The following DYNC2H1 variants were observed in gnomAD, a reference collection of about 807,000 sequenced individuals.
DYNC2H1 encodes the protein cytoplasmic dynein 2 heavy chain 1.
DYNC2H1 carries 410 observed loss-of-function variants against 570.0 expected under a neutral mutation model. That is an observed-to-expected ratio of 0.72 (90% CI 0.66 to 0.78). The LOEUF (loss-of-function observed/expected upper bound fraction) is 0.78, where lower values mean the gene tolerates loss of function less well. Among genes scored for constraint, DYNC2H1 ranks in the 30% least tolerant of loss-of-function variants. The probability of loss-of-function intolerance (pLI) is 0.00; values close to 1 mark genes in which losing one functional copy is unlikely to be tolerated. For missense variants in DYNC2H1, 4,865 were observed against 5,046.4 expected (o/e 0.96, Z 1.09); for synonymous variants, 1,688 against 1,677.6 (o/e 1.01, Z -0.15).
intron 15 of DYNC2H1, 69 bp downstream of exon 15, chr11:103,134,488 G>A (rs1489833102): frequency 8.1e-7 from 1 of 1,228,290 alleles, no homozygotes; most frequent in Non-Finnish European, 1.1e-6. Flanking sequence ...TACAATATAT[G>A]AATTGCCGAG....
chr11:103,438,631 G>A (rs186369390), intron 85 of DYNC2H1, among the ~76,000 whole-genome samples: 3 of 152,114 alleles, frequency 2.0e-5, no homozygotes, highest in South Asian at 2.1e-4. Context: ...CATATATCAT[G>A]CCAGTTTATT....
chr11:103,118,986 T>C (rs1353353667), intron 6 of DYNC2H1, among the ~76,000 whole-genome samples: 1 of 151,376 alleles, frequency 6.6e-6, no homozygotes, highest in African/African-American at 2.5e-5. Context: ...TTTCTAATTC[T>C]GGTGTTTTTT....
chr11:103,204,217 A>G lies in DYNC2H1; in HGVS notation c.8311+441A>G, dbSNP rs1468710497. 6.6e-6 allele frequency among the ~76,000 whole-genome samples: 1 copy of G among 152,174 alleles called. No homozygotes were observed. Among genetic ancestry groups the G allele is most frequent in the African/African-American group, 2.4e-5 (1 of 41,450 alleles). On this transcript the variant is annotated intron_variant, in intron 51 of 88. Coordinates refer to ENST00000375735, the MANE Select transcript of DYNC2H1 (RefSeq NM_001377.3). The surrounding 1 kb of genome is among the most constrained non-coding windows in gnomAD (Gnocchi z 4.1). Reference sequence around the variant, plus strand: ...GCATGGGAAATACCTGCCCCGCTCCATGATTCAATCATGTCCCACCAGGTT... The same window carrying G: ...GCATGGGAAATACCTGCCCCGCTCCGTGATTCAATCATGTCCCACCAGGTT...
chr11:103,449,965 C>T (rs930865412), intron 85 of DYNC2H1, among the ~76,000 whole-genome samples: 1 of 152,010 alleles, frequency 6.6e-6, no homozygotes, highest in Non-Finnish European at 1.5e-5. Context: ...TGGCATTGCA[C>T]TTTAAATATA....
At chr11:103,361,517 A>C (rs1940638748) in intron 83 of DYNC2H1, among the ~76,000 whole-genome samples, 1 of 152,216 alleles carries the variant, frequency 6.6e-6, no homozygotes, top group Non-Finnish European at 1.5e-5. Context: ...TTCCAAGTGC[A>C]ATGGGAAACC....
intron 83 of DYNC2H1, among the ~76,000 whole-genome samples, chr11:103,390,754 G>T (rs2671373): frequency 0.67 from 102,121 of 151,970 alleles, 34,441 homozygotes; most frequent in Admixed American, 0.73. Context: ...CCTTCACTTA[G>T]GAAGTTTAGT....
chr11:103,447,833 G>T (rs1258169355), intron 85 of DYNC2H1, among the ~76,000 whole-genome samples: 2 of 152,068 alleles, frequency 1.3e-5, no homozygotes, highest in African/African-American at 4.8e-5. Flanking sequence ...GTTAATTCAA[G>T]ATTTGAGTTT....
rs1025998403 is a variant in DYNC2H1, at chr11:103,329,971, A to G, written c.12039+5981A>G. ...TATTTAAATTCTTCGTTCAATACCC[A>G]GTCCAAAGCTTATCCTCTCCTGAAG... On this transcript the variant is annotated intron_variant, in intron 82 of 88. Coordinates refer to ENST00000375735, the MANE Select transcript of DYNC2H1 (RefSeq NM_001377.3). Among the ~76,000 whole-genome samples the G allele has an allele frequency of 2.0e-5, 3 of 152,302 alleles. No individual in the cohort carries two copies. The East Asian group carries it at 5.8e-4, about 29-fold the overall frequency.
chr11:103,453,508 AT>A (rs889021161), intron 85 of DYNC2H1, among the ~76,000 whole-genome samples: 3 of 151,034 alleles, frequency 2.0e-5, no homozygotes, highest in Non-Finnish European at 3.0e-5. Context: ...TTAACAAGTT[AT>A]TTTTTCCATA....
intron 3 of DYNC2H1, 68 bp from the exon 4 acceptor site, chr11:103,115,109 G>T: frequency 4.3e-6 from 5 of 1,172,394 alleles, no homozygotes; most frequent in South Asian, 1.4e-5. Flanking sequence ...TTGCTGCTCT[G>T]CTGTTTTGTA....
rs768288181 is a variant in DYNC2H1 at position 103,170,075 on chromosome 11, T to C, written c.4969-33T>C. The C allele has an allele frequency of 1.2e-5, 18 of 1,552,304 alleles. No homozygotes were observed. The highest frequency in any genetic ancestry group is 3.7e-5 in the Admixed American group (2 of 53,510). Reference sequence around the variant, plus strand: ...ATATTTGTAAATGTTGAATAGAACATGAATACTCTGACTTTGTGTTGTTCT... The same window carrying C: ...ATATTTGTAAATGTTGAATAGAACACGAATACTCTGACTTTGTGTTGTTCT... On this transcript the variant is annotated intron_variant, in intron 32 of 88. Transcript: ENST00000375735. The surrounding 1 kb of genome is among the most constrained non-coding windows in gnomAD (Gnocchi z 4.8).
Position 103,205,745 on chromosome 11 carries a change from G to A in DYNC2H1, c.8454+781G>A, listed in dbSNP as rs978843668. Among the ~76,000 whole-genome samples the A allele has an allele frequency of 4.6e-5, 7 of 152,024 alleles. No individual in the cohort carries two copies. Among genetic ancestry groups the A allele is most frequent in the Non-Finnish European group, 1.0e-4 (7 of 67,994 alleles). On this transcript the variant is annotated intron_variant, in intron 52 of 88. Transcript: ENST00000375735. The surrounding 1 kb of genome is among the most constrained non-coding windows in gnomAD (Gnocchi z 4.5). ...TTACATTCTTCTCAGGTATATCTGC[G>A]GGGAAAGCTTTCTAGGTGAAGATCC...
chr11:103,257,080 T>C (rs1286408484), intron 68 of DYNC2H1, among the ~76,000 whole-genome samples: 1 of 152,118 alleles, frequency 6.6e-6, no homozygotes, highest in Non-Finnish European at 1.5e-5. Flanking sequence ...CCCAGTGTAA[T>C]AGTATTAAGA....
At chr11:103,373,716 T>G (rs1390576818) in intron 83 of DYNC2H1, among the ~76,000 whole-genome samples, 1 of 152,220 alleles carries the variant, frequency 6.6e-6, no homozygotes, top group Non-Finnish European at 1.5e-5. Flanking sequence ...TGGTCTATGG[T>G]GCAATCTTAG....
chr11:103,404,454 A>G (rs1237345416), intron 84 of DYNC2H1: 1 of 150,576 alleles, frequency 6.6e-6, no homozygotes, highest in African/African-American at 2.4e-5. Flanking sequence ...AATTATTAGT[A>G]TAACTGCTGC....
rs1471760957 is a variant in DYNC2H1 at position 103,129,524 on chromosome 11, A to G, written c.1953+519A>G. On this transcript the variant is annotated intron_variant, in intron 13 of 88. Transcript: ENST00000375735. This position sits in a 1 kb window ranked among gnomAD's most constrained non-coding sequence, Gnocchi z 4.1. ...TGGTGAAACCCCATCTCAACTAAAAATACAAAAAAATTAGCCAGGCATGGT... is the reference window on the plus strand; with the variant it reads ...TGGTGAAACCCCATCTCAACTAAAAGTACAAAAAAATTAGCCAGGCATGGT... 6.6e-6 allele frequency among the ~76,000 whole-genome samples: 1 copy of G among 152,102 alleles called. No individual in the cohort carries two copies. Among genetic ancestry groups the G allele is most frequent in the Admixed American group, 6.6e-5 (1 of 15,256 alleles).
Position 103,222,965 on chromosome 11 carries a change from A to G in DYNC2H1, c.9232A>G (p.Asn3078Asp). The G allele has an allele frequency of 6.2e-7, 1 of 1,612,524 alleles. No homozygotes were observed. Among genetic ancestry groups the G allele is most frequent in the Non-Finnish European group, 8.5e-7 (1 of 1,179,252 alleles). Residue 3078 changes from asparagine (N) to aspartate (D), a missense_variant and splice_region_variant, in exon 59 of 89, where the codon AAT (asparagine) becomes GAT (aspartate). Physicochemically the swap from Asn to Asp is conservative, Grantham distance 23 (BLOSUM62 1). This residue lies in a region of DYNC2H1 where 2,401 missense variants were observed against 2,454.6 expected (regional missense o/e 0.98). Transcript: ENST00000375735. ...FKNKGSFDPK[N>D]AKRASTAAAP... Reference sequence around the variant, plus strand: ...GAATCACTTCTCATGGATTTTTCAGAATGCTAAGCGTGCCAGTACTGCAGC... The same window carrying G: ...GAATCACTTCTCATGGATTTTTCAGGATGCTAAGCGTGCCAGTACTGCAGC...
In DYNC2H1 at chr11:103,375,927, GA is replaced by G. The variant is rs199530660; in HGVS notation, c.12156+17570del. 3.8e-3 allele frequency among the ~76,000 whole-genome samples: 579 copies of G among 152,260 alleles called. 4 individuals carry two copies. Among genetic ancestry groups the G allele is most frequent in the African/African-American group, 0.013 (556 of 41,550 alleles). ...TGAGATTTTGGAGGGGCCGGGGACA[GA>G]ATGATATGGTTTGGCAGTGTCTTTA... On this transcript the variant is annotated intron_variant, in intron 83 of 88. Coordinates refer to ENST00000375735, the MANE Select transcript of DYNC2H1 (RefSeq NM_001377.3).
At chr11:103,113,167 T>C (rs1482233467) in intron 1 of DYNC2H1, among the ~76,000 whole-genome samples, 3 of 152,134 alleles carry the variant, frequency 2.0e-5, no homozygotes, top group African/African-American at 2.4e-5. Flanking sequence ...ACACTACTCA[T>C]TGTGTACCTG....
Sources: allele counts gnomAD v4.1 joint callset (sites outside exome capture counted in the v4.1 genomes callset), GRCh38; gene constraint gnomAD v4.1.1; regional missense constraint gnomAD v4.1.1; non-coding constraint Gnocchi (gnomAD v3.1); transcripts MANE v1.5; gene names NCBI Gene and HGNC (gene_info 2026-07-23, HGNC 2026-07-21).